Variants in ANO2 observed in about 807,000 individuals in gnomAD.
The protein encoded by ANO2 is anoctamin 2.
A neutral mutation model predicts 124.2 loss-of-function variants in ANO2; 101 were observed. The observed-to-expected ratio is 0.81, with a 90% CI of 0.69 to 0.96. The LOEUF is 0.96. Among genes scored for constraint, ANO2 ranks in the 40% least tolerant of loss-of-function variants. The pLI is 0.00. For synonymous variants in ANO2, 486 were observed against 482.5 expected (o/e 1.01, Z -0.09); for missense variants, 1,293 against 1,274.5 (o/e 1.01, Z -0.22).
At chr12:5,569,807 AT>A (rs541366482) in intron 23 of ANO2, among the ~76,000 whole-genome samples, 4 of 152,130 alleles carry the variant, frequency 2.6e-5, no homozygotes, top group Non-Finnish European at 5.9e-5. Context: ...GGTGAATATG[AT>A]TTCCGGAGCT....
At chr12:5,816,345 T>C (rs897373497) in intron 7 of ANO2, among the ~76,000 whole-genome samples, 6 of 151,078 alleles carry the variant, frequency 4.0e-5, no homozygotes, top group African/African-American at 1.5e-4. Context: ...ATCTTCTAAA[T>C]AAGATTGGTA....
chr12:5,656,165 T>C lies in ANO2; in HGVS notation c.1546-8364A>G, dbSNP rs78458307. 4.7e-3 allele frequency among the ~76,000 whole-genome samples: 721 copies of C among 152,304 alleles called. 5 individuals carry two copies. The highest frequency in any genetic ancestry group is 0.016 in the African/African-American group (659 of 41,566). On this transcript the variant is annotated intron_variant, in intron 14 of 24. Transcript: ENST00000682330. ...GAACACAGGGTTGCAGTGAGTTTAA[T>C]ACCAGCACTTCCCCATACTCTTTTC... is the stretch of plus-strand genomic sequence containing the variant.
intron 7 of ANO2, among the ~76,000 whole-genome samples, chr12:5,810,712 C>T (rs1301321688): frequency 6.6e-6 from 1 of 152,186 alleles, no homozygotes; most frequent in African/African-American, 2.4e-5. Flanking sequence ...TACTGATCCT[C>T]GAAGTCAACG....
chr12:5,644,887 T>C (rs1405149416), intron 15 of ANO2, among the ~76,000 whole-genome samples: 1 of 152,230 alleles, frequency 6.6e-6, no homozygotes, highest in Non-Finnish European at 1.5e-5. Context: ...GGCATTTCAT[T>C]GTATTCTGAC....
chr12:5,825,746 A>G (rs527545320), intron 7 of ANO2, among the ~76,000 whole-genome samples: 3 of 152,248 alleles, frequency 2.0e-5, no homozygotes, highest in African/African-American at 7.2e-5. Context: ...AATACAGGAG[A>G]TTCGTTAGGG....
At chr12:5,607,835 T>C (rs1002095861) in intron 19 of ANO2, among the ~76,000 whole-genome samples, 7 of 152,220 alleles carry the variant, frequency 4.6e-5, no homozygotes, top group Non-Finnish European at 1.0e-4. Flanking sequence ...GACTGTCTAG[T>C]TGCAGAAAAA....
chr12:5,830,160 C>A (rs1197035263), intron 6 of ANO2, among the ~76,000 whole-genome samples: 2 of 152,144 alleles, frequency 1.3e-5, no homozygotes, highest in Non-Finnish European at 2.9e-5. Context: ...ACACCCGCAC[C>A]AACTATGACC....
In ANO2 at chr12:5,635,206, T is replaced by C. The variant is rs1488655230; in HGVS notation, c.1762A>G (p.Ile588Val). ...ATAVIINLVV[I>V]LILDEIYGAV... ...CCGTAGATCTCGTCCAGGATGAGGA[T>C]GACCACGAGGTTGATGATGACTGCT... The change falls in exon 16 of 25, where the codon ATC becomes GTC. Residue 588 changes from isoleucine to valine, a missense_variant. Ile to Val is a conservative substitution (Grantham distance 29). Transcript: ENST00000682330. This position sits in a 1 kb window ranked among gnomAD's most constrained non-coding sequence, Gnocchi z 5.2. 3 of 1,610,280 alleles carry C rather than the reference T, an allele frequency of 1.9e-6. No homozygotes were observed. The highest frequency in any genetic ancestry group is 1.7e-5 in the Admixed American group (1 of 58,914).
intron 13 of ANO2, among the ~76,000 whole-genome samples, chr12:5,738,592 G>C (rs919024096): frequency 6.6e-6 from 1 of 152,176 alleles, no homozygotes; most frequent in Non-Finnish European, 1.5e-5. Context: ...AGTGAAAGAA[G>C]AGGGGAGGAG....
intron 14 of ANO2, among the ~76,000 whole-genome samples, chr12:5,714,052 G>A (rs377762797): frequency 7.2e-5 from 11 of 152,162 alleles, no homozygotes; most frequent in East Asian, 1.9e-4. Context: ...TAACTTCCCC[G>A]CTTCTCCTCG....
At position 5,842,073 on chromosome 12, in the gene ANO2, T is replaced by C. The variant is rs554699161; in HGVS notation, c.634-9470A>G. Among the ~76,000 whole-genome samples, 5 of 152,038 alleles carry C rather than the reference T, an allele frequency of 3.3e-5. No homozygotes were observed. In the East Asian group the frequency reaches 9.7e-4, roughly 29 times the overall value. ...TTTTTTAGTTTTAGTAGAGATGAGG[T>C]CTTGCTTTGTTGGCCAGGTTGGTCT... On this transcript the variant is annotated intron_variant, in intron 4 of 24. Transcript: ENST00000682330.
intron 10 of ANO2, among the ~76,000 whole-genome samples, chr12:5,783,569 A>G (rs1952462095): frequency 6.6e-6 from 1 of 152,242 alleles, no homozygotes; most frequent in Admixed American, 6.5e-5. Flanking sequence ...AGCACTTTGT[A>G]TAAACATTCC....
intron 3 of ANO2, among the ~76,000 whole-genome samples, chr12:5,874,884 G>A (rs1357954004): frequency 6.6e-6 from 1 of 152,180 alleles, no homozygotes; most frequent in Non-Finnish European, 1.5e-5. Flanking sequence ...TTCTGTCACA[G>A]CTACTCAACT....
intron 14 of ANO2, among the ~76,000 whole-genome samples, chr12:5,685,508 G>A (rs1948666275): frequency 6.6e-6 from 1 of 152,214 alleles, no homozygotes; most frequent in Admixed American, 6.5e-5. Flanking sequence ...CCTGGGGCTG[G>A]GCACAGTGGC....
Position 5,823,522 on chromosome 12 carries a change from G to A in ANO2, c.892+4247C>T, listed in dbSNP as rs1010091997. On this transcript the variant is annotated intron_variant, in intron 7 of 24. Transcript: ENST00000682330. ...TCCTTTGACTCTGGGTCACGCTGAT[G>A]CAAGATGTTGGTTCCCATGGTCTTG... 2.0e-5 allele frequency among the ~76,000 whole-genome samples: 3 copies of A among 152,238 alleles called. No individual in the cohort carries two copies. The South Asian group carries it at 6.2e-4, about 31-fold the overall frequency.
At chr12:5,645,688 C>G (rs1946605451) in intron 15 of ANO2, among the ~76,000 whole-genome samples, 1 of 152,138 alleles carries the variant, frequency 6.6e-6, no homozygotes, top group South Asian at 2.1e-4. Flanking sequence ...CCCACTGGTT[C>G]TTTCATATGG....
intron 3 of ANO2, among the ~76,000 whole-genome samples, chr12:5,911,670 T>C (rs1032812308): frequency 1.3e-5 from 2 of 152,108 alleles, no homozygotes; most frequent in Non-Finnish European, 2.9e-5. Context: ...GATAATAACT[T>C]TGCTAGGAGG....
intron 14 of ANO2, among the ~76,000 whole-genome samples, chr12:5,671,730 T>C (rs1395202830): frequency 6.6e-6 from 1 of 152,172 alleles, no homozygotes; most frequent in Admixed American, 6.5e-5. Context: ...ACAGTGCAAA[T>C]GACAATACTC....
At chr12:5,683,120 A>T (rs1326137605) in intron 14 of ANO2, among the ~76,000 whole-genome samples, 2 of 152,200 alleles carry the variant, frequency 1.3e-5, no homozygotes, top group Non-Finnish European at 2.9e-5. Flanking sequence ...TCTGAAGTAG[A>T]TGCCAATCCT....
Sources: allele counts gnomAD v4.1 joint callset (sites outside exome capture counted in the v4.1 genomes callset), GRCh38; gene constraint gnomAD v4.1.1; non-coding constraint Gnocchi (gnomAD v3.1); transcripts MANE v1.5; gene names NCBI Gene and HGNC (gene_info 2026-07-23, HGNC 2026-07-21).